The following SHF variants were observed in gnomAD, a reference collection of about 807,000 sequenced individuals.
SHF encodes the protein SH2 domain-containing adapter protein F.
A neutral mutation model predicts 42.4 loss-of-function variants in SHF; 30 were observed. The ratio of observed to expected loss-of-function variants is 0.71; its 90% CI spans 0.53 to 0.96. The LOEUF is 0.96. Ranked by LOEUF, SHF falls within the 40% of genes least tolerant of loss-of-function variation. The probability of loss-of-function intolerance (pLI) is 0.00; values close to 1 mark genes in which losing one functional copy is unlikely to be tolerated. For synonymous variants in SHF, 264 were observed against 269.9 expected (o/e 0.98, Z 0.21); for missense variants, 598 against 634.0 (o/e 0.94, Z 0.61).
intron 6 of SHF, chr15:45,170,426 A>C (rs1170783969): frequency 7.8e-7 from 1 of 1,288,524 alleles, no homozygotes. Flanking sequence ...TTTTGACAAA[A>C]ACTTTTCTGG....
chr15:45,184,950 A>G (rs1898311723), intron 1 of SHF, among the ~76,000 whole-genome samples: 2 of 152,214 alleles, frequency 1.3e-5, no homozygotes, highest in Non-Finnish European at 2.9e-5. Context: ...TGGCAGCCAG[A>G]ACCCCACATG....
At chr15:45,198,712 T>C (rs1429866856) in intron 2 of SHF, 3 of 1,549,852 alleles carry the variant, frequency 1.9e-6, no homozygotes, top group Admixed American at 1.8e-5. Context: ...TGGCTTCTGA[T>C]TATCCTCTTC....
At position 45,175,420 on chromosome 15, in the gene SHF, G is replaced by T; in HGVS notation, c.646C>A (p.Arg216=). 1 of 1,579,516 alleles carries T rather than the reference G, an allele frequency of 6.3e-7. No homozygotes were observed. The highest frequency in any genetic ancestry group is 8.6e-7 in the Non-Finnish European group (1 of 1,162,474). Residue 216 remains arginine (R), a synonymous_variant, in exon 3 of 7, where the codon CGG becomes AGG. Coordinates refer to ENST00000690270, the MANE Select transcript of SHF (RefSeq NM_001394037.1). ...YEAQKMMAEI[R]GSKETATQPL... is the part of the protein sequence containing the mutation. ...TGAGTTGCTGTCTCCTTGGAGCCCC[G>T]GATCTCTGCCGGAGCAGGGCAGGAA...
intron 1 of SHF, chr15:45,200,417 G>A (rs991993280): frequency 1.7e-5 from 4 of 228,738 alleles, no homozygotes; most frequent in African/African-American, 4.4e-5. Flanking sequence ...TCACAATGCC[G>A]TGACTCGGAT....
At chr15:45,178,396 C>A (rs2141373610) in intron 1 of SHF, 90 bp from the exon 2 acceptor site, 5 of 1,458,628 alleles carry the variant, frequency 3.4e-6, no homozygotes, top group Non-Finnish European at 4.6e-6. Context: ...GAGCAAGAGT[C>A]CCAAGTAGGC....
At chr15:45,189,752 G>T (rs916955526), upstream of SHF, among the ~76,000 whole-genome samples, 2 of 152,026 alleles carry the variant, frequency 1.3e-5, no homozygotes, top group Admixed American at 6.6e-5. Flanking sequence ...TCAAAGCGGG[G>T]GGTGTAAAGA....
intron 6 of SHF, chr15:45,171,335 G>A (rs888016519): frequency 1.9e-5 from 3 of 153,964 alleles, no homozygotes; most frequent in Non-Finnish European, 4.3e-5. Flanking sequence ...CCCCATCCCC[G>A]AACACACACA....
intron 1 of SHF, 148 bp from the exon 2 acceptor site, chr15:45,178,454 G>GTCCCCATCCAAGCTCAGA: frequency 1.0e-6 from 1 of 953,250 alleles, no homozygotes; most frequent in Non-Finnish European, 1.5e-6. Context: ...CTCTGAGCTT[G>GTCCCCATCCAAGCTCAGA]GATGGGGACA....
At chr15:45,169,182 C>T (rs1052859224) in intron 6 of SHF, among the ~76,000 whole-genome samples, 28 of 152,200 alleles carry the variant, frequency 1.8e-4, no homozygotes, top group East Asian at 7.7e-4. Context: ...AGGTCCACCC[C>T]CCGGAGAAGT....
Position 45,168,047 on chromosome 15 carries a change from C to T in SHF, c.1367G>A (p.Ser456Asn), listed in dbSNP as rs538559142. ...VLGQNSPPFS[S>N]VPEIVHHYAS... ...ATAGTGGTGCACAATTTCAGGGACG[C>T]TGCTGAAGGGCGGGCTGTTCTGGCC... Residue 456 changes from serine (S) to asparagine (N), a missense_variant, in exon 7 of 7, where the codon AGC becomes AAC. By Grantham distance (46) the Ser-to-Asn change is conservative. Around this residue, in one of 2 missense-constraint regions of SHF, gnomAD observed 439 missense variants for 524.6 expected, o/e 0.84. Transcript: ENST00000690270. The T allele has an allele frequency of 7.4e-6, 12 of 1,613,726 alleles. No individual in the cohort carries two copies. The South Asian group carries it at 1.2e-4, about 16-fold the overall frequency.
rs1334818949 is a variant in SHF, at chr15:45,172,192, G to A, written c.1115C>T (p.Pro372Leu). Residue 372 changes from proline (P) to leucine (L), a missense_variant, in exon 5 of 7, where the codon CCC (proline) becomes CTC (leucine). Physicochemically the swap from Pro to Leu is moderately conservative, Grantham distance 98 (BLOSUM62 -3). This residue lies in a region of SHF where 439 missense variants were observed against 524.6 expected (regional missense o/e 0.84). Transcript: ENST00000690270. ...TGCTGGATCTGTCCACTCCCCCAGGGGGCTGCTGGGCTCCATGCTTAGGGG... is the reference window on the plus strand; with the variant it reads ...TGCTGGATCTGTCCACTCCCCCAGGAGGCTGCTGGGCTCCATGCTTAGGGG... ...AKPLSMEPSS[P>L]LGEWTDPALP... is the part of the protein sequence containing the mutation. The A allele has an allele frequency of 1.2e-6, 2 of 1,613,908 alleles. No individual in the cohort carries two copies. The highest frequency in any genetic ancestry group is 2.2e-5 in the East Asian group (1 of 44,870).
chr15:45,173,428 A>C, intron 4 of SHF, 148 bp downstream of exon 4: 3 of 1,196,902 alleles, frequency 2.5e-6, no homozygotes, highest in South Asian at 1.9e-5. Flanking sequence ...GAAGGGAGGA[A>C]CGTGCATTTT....
At chr15:45,188,242 G>A (rs1898580856), upstream of SHF, among the ~76,000 whole-genome samples, 1 of 152,190 alleles carries the variant, frequency 6.6e-6, no homozygotes, top group Non-Finnish European at 1.5e-5. Flanking sequence ...GCGGTCCCCT[G>A]TGGGGAGCGC....
At chr15:45,173,390 G>T (rs1897623650) in intron 4 of SHF, among the ~76,000 whole-genome samples, 186 bp downstream of exon 4, 1 of 152,222 alleles carries the variant, frequency 6.6e-6, no homozygotes, top group Non-Finnish European at 1.5e-5. Context: ...GGGCCTCCCT[G>T]TAGAAGACAC....
At chr15:45,171,277 A>T (rs1351027862) in intron 6 of SHF, 6 of 153,654 alleles carry the variant, frequency 3.9e-5, no homozygotes, top group African/African-American at 1.4e-4. Flanking sequence ...ATGGGGAGGG[A>T]GGGCCTTGCC....
chr15:45,173,274 G>A (rs928613729), intron 4 of SHF, among the ~76,000 whole-genome samples: 1 of 152,296 alleles, frequency 6.6e-6, no homozygotes, highest in East Asian at 1.9e-4. Flanking sequence ...CCCACCCCCA[G>A]CTCAGGAGTA....
At chr15:45,182,173 A>AC (rs1567036457) in intron 1 of SHF, among the ~76,000 whole-genome samples, 1 of 151,890 alleles carries the variant, frequency 6.6e-6, no homozygotes, top group African/African-American at 2.4e-5. Context: ...CACATCCCTG[A>AC]CCCCCACCAC....
intron 4 of SHF, among the ~76,000 whole-genome samples, 178 bp downstream of exon 4, chr15:45,173,398 C>T (rs1021929739): frequency 1.3e-5 from 2 of 152,224 alleles, no homozygotes; most frequent in Non-Finnish European, 2.9e-5. Flanking sequence ...CTGTAGAAGA[C>T]ACCATCCCAC....
At chr15:45,171,721 C>A in intron 6 of SHF, 162 bp downstream of exon 6, 1 of 712,686 alleles carries the variant, frequency 1.4e-6, no homozygotes, top group African/African-American at 1.8e-5. Context: ...CTCTGAGCTC[C>A]TTGAGAGCAG....
Sources: allele counts gnomAD v4.1 joint callset (sites outside exome capture counted in the v4.1 genomes callset), GRCh38; gene constraint gnomAD v4.1.1; regional missense constraint gnomAD v4.1.1; transcripts MANE v1.5; gene names NCBI Gene and HGNC (gene_info 2026-07-23, HGNC 2026-07-21).